DSCAM: variants seen among roughly 807,000 people sequenced by gnomAD.
DSCAM encodes cell adhesion molecule DSCAM.
DSCAM carries 47 observed loss-of-function variants against 217.7 expected under a neutral mutation model. The observed-to-expected ratio is 0.22, with a 90% CI of 0.17 to 0.28. DSCAM has a LOEUF of 0.28. Ranked by LOEUF, DSCAM falls within the 10% of genes least tolerant of loss-of-function variation. DSCAM has a pLI of 1.00. For synonymous variants in DSCAM, 1,056 were observed against 1,015.3 expected (o/e 1.04, Z -0.76); for missense variants, 2,080 against 2,618.3 (o/e 0.79, Z 4.49).
At chr21:40,405,241 G>A (rs2075270468) in intron 3 of DSCAM, among the ~76,000 whole-genome samples, 1 of 152,220 alleles carries the variant, frequency 6.6e-6, no homozygotes. Context: ...GGTCTTTCAT[G>A]CATTAAACTG....
chr21:40,017,446 G>A (rs1245462322), intron 32 of DSCAM, among the ~76,000 whole-genome samples: 4 of 152,120 alleles, frequency 2.6e-5, no homozygotes, highest in East Asian at 3.9e-4. Flanking sequence ...TGACCCCAGC[G>A]ACACTGGACT....
At chr21:40,585,974 A>G (rs987632059) in intron 3 of DSCAM, among the ~76,000 whole-genome samples, 2 of 152,184 alleles carry the variant, frequency 1.3e-5, no homozygotes, top group Admixed American at 1.3e-4. Context: ...CGCCTGCCTC[A>G]GTCTCCTGCG....
chr21:40,630,654 C>G (rs1194257545), intron 3 of DSCAM: 1 of 152,124 alleles, frequency 6.6e-6, no homozygotes, highest in East Asian at 1.9e-4. Flanking sequence ...GATCCATCAC[C>G]CACCTGGATT....
rs566296638 is a variant in DSCAM, at chr21:40,204,821, G to T, written c.2357-15583C>A. 5.0e-4 allele frequency among the ~76,000 whole-genome samples: 76 copies of T among 152,322 alleles called. 2 individuals are homozygous for T. The highest frequency in any genetic ancestry group is 3.4e-4 in the Non-Finnish European group (23 of 68,036). ...AATGCCAACACAAGCAAGTGTGTCT[G>T]CACATGCACACACACAGTCACATGT... On this transcript the variant is annotated intron_variant, in intron 11 of 32. Transcript: ENST00000400454.
chr21:40,316,589 T>C (rs2074199437), intron 8 of DSCAM, among the ~76,000 whole-genome samples: 1 of 152,182 alleles, frequency 6.6e-6, no homozygotes, highest in African/African-American at 2.4e-5. Context: ...ATCTGAATCT[T>C]GCTGACAGTA....
chr21:40,050,625 GGTGCCCGCCA>G, intron 30 of DSCAM, among the ~76,000 whole-genome samples: 1 of 152,236 alleles, frequency 6.6e-6, no homozygotes, highest in African/African-American at 2.4e-5. Context: ...TGGGACTACA[GGTGCCCGCCA>G]CCAGGCCGGC....
At chr21:40,389,200 AAACTT>A (rs2075112798) in intron 3 of DSCAM, among the ~76,000 whole-genome samples, 1 of 152,224 alleles carries the variant, frequency 6.6e-6, no homozygotes, top group Non-Finnish European at 1.5e-5. Context: ...CATGCTGAGA[AAACTT>A]CACTTGTCAT....
At chr21:40,372,522 T>C (rs1444292178) in intron 3 of DSCAM, among the ~76,000 whole-genome samples, 2 of 152,208 alleles carry the variant, frequency 1.3e-5, no homozygotes, top group East Asian at 1.9e-4. Context: ...TTTTGAGTCA[T>C]CATTTTGGAC....
chr21:40,373,976 T>G (rs2074924898), intron 3 of DSCAM, among the ~76,000 whole-genome samples: 1 of 152,340 alleles, frequency 6.6e-6, no homozygotes, highest in Non-Finnish European at 1.5e-5. Context: ...CAGATAGTCA[T>G]GCATCTACTG....
At chr21:40,140,523 A>C (rs1179291993) in intron 18 of DSCAM, among the ~76,000 whole-genome samples, 2 of 152,192 alleles carry the variant, frequency 1.3e-5, no homozygotes, top group African/African-American at 4.8e-5. Flanking sequence ...TCCAATAAGA[A>C]CAGAAAAGAC....
chr21:40,506,740 G>GT, intron 3 of DSCAM, among the ~76,000 whole-genome samples: 1 of 152,250 alleles, frequency 6.6e-6, no homozygotes, highest in African/African-American at 2.4e-5. Flanking sequence ...AGGAAGAAGC[G>GT]TTTTTAAAAC....
chr21:40,411,699 G>T (rs571328274), intron 3 of DSCAM, among the ~76,000 whole-genome samples: 4 of 152,158 alleles, frequency 2.6e-5, no homozygotes, highest in African/African-American at 7.2e-5. Context: ...AAGTGAAAAT[G>T]AGAGAAGACA....
At chr21:40,616,071 G>A (rs931167783) in intron 3 of DSCAM, among the ~76,000 whole-genome samples, 1 of 151,946 alleles carries the variant, frequency 6.6e-6, no homozygotes, top group Non-Finnish European at 1.5e-5. Flanking sequence ...ATTACCTTGT[G>A]TATGAGTCAG....
chr21:40,546,170 G>C (rs894228023), intron 3 of DSCAM, among the ~76,000 whole-genome samples: 2 of 152,208 alleles, frequency 1.3e-5, no homozygotes, highest in African/African-American at 4.8e-5. Context: ...TTAAGGTGTA[G>C]AGAAGTCCTT....
chr21:40,453,092 GAGAT>G (rs1270214564), intron 3 of DSCAM, among the ~76,000 whole-genome samples: 1 of 126,942 alleles, frequency 7.9e-6, no homozygotes, highest in South Asian at 2.5e-4. Context: ...GTGTGTGTGT[GAGAT>G]ATATGTGTAT....
chr21:40,436,245 TTTC>T (rs2075581508), intron 3 of DSCAM, among the ~76,000 whole-genome samples: 2 of 152,236 alleles, frequency 1.3e-5, no homozygotes, highest in African/African-American at 4.8e-5. Flanking sequence ...TAGTGATGTA[TTTC>T]TTCATCTAAA....
At chr21:40,175,811 A>ACACACTCACG (rs1555886111) in intron 15 of DSCAM, among the ~76,000 whole-genome samples, 1 of 127,570 alleles carries the variant, frequency 7.8e-6, no homozygotes, top group African/African-American at 2.9e-5. Flanking sequence ...ACACACACGC[A>ACACACTCACG]CACACACACA....
chr21:40,113,481 C>T (rs1275696079), intron 20 of DSCAM, among the ~76,000 whole-genome samples: 5 of 152,166 alleles, frequency 3.3e-5, no homozygotes, highest in Non-Finnish European at 7.3e-5. Flanking sequence ...AAACTGGAAG[C>T]ATTCCCTTGA....
chr21:40,613,982 C>CT (rs1170982095), intron 3 of DSCAM, among the ~76,000 whole-genome samples: 2 of 152,208 alleles, frequency 1.3e-5, no homozygotes, highest in Admixed American at 1.3e-4. Context: ...AAGAAAAACT[C>CT]TGAGTCCTCC....
Sources: gnomAD v4.1 joint callset for allele counts (sites outside exome capture counted in the v4.1 genomes callset) on GRCh38, gnomAD v4.1.1 for gene constraint, MANE v1.5 for transcripts, NCBI Gene and HGNC (gene_info 2026-07-23, HGNC 2026-07-21) for gene names.